The following WDR31 variants were observed in gnomAD, a reference collection of about 807,000 sequenced individuals.
The protein encoded by WDR31 is WD repeat-containing protein 31.
In WDR31, 30 loss-of-function variants were observed where a neutral mutation model predicts 47.3. The observed-to-expected ratio is 0.63, with a 90% CI of 0.47 to 0.86. The LOEUF (loss-of-function observed/expected upper bound fraction) is 0.86, where lower values mean the gene tolerates loss of function less well. Ranked by LOEUF, WDR31 falls within the 40% of genes least tolerant of loss-of-function variation. WDR31 has a pLI of 0.00. For missense variants in WDR31, 406 were observed against 442.9 expected (o/e 0.92, Z 0.75); for synonymous variants, 137 against 159.4 (o/e 0.86, Z 1.06).
intron 4 of WDR31, among the ~76,000 whole-genome samples, chr9:113,330,483 T>C (rs1352923003): frequency 6.6e-6 from 1 of 152,122 alleles, no homozygotes; most frequent in Non-Finnish European, 1.5e-5. Context: ...TAGATCCTAA[T>C]ATGAAGGAGA....
Position 113,318,469 on chromosome 9 carries a change from G to A in WDR31, c.943+6C>T. 6.2e-7 allele frequency: 1 copy of A among 1,614,176 alleles called. No homozygotes were observed. Among genetic ancestry groups the A allele is most frequent in the Non-Finnish European group, 8.5e-7 (1 of 1,180,026 alleles). The stretch of plus-strand genomic sequence containing the variant: ...TTTTGAGGAGAACTAACAGCAGGCT[G>A]CTTACCTCCAGTATCTTGGTTCCAA... On this transcript the variant is annotated splice_donor_region_variant and intron_variant, in intron 10 of 10. Coordinates refer to ENST00000374193, the MANE Select transcript of WDR31 (RefSeq NM_001012361.4).
In WDR31 at chr9:113,320,374, C is replaced by T; in HGVS notation, c.763G>A (p.Glu255Lys). The change falls in exon 9 of 11, where the codon GAA becomes AAA. Residue 255 changes from glutamate (E) to lysine (K), a missense_variant. By Grantham distance (56) the Glu-to-Lys change is moderately conservative (BLOSUM62 1). Coordinates refer to ENST00000374193, the MANE Select transcript of WDR31 (RefSeq NM_001012361.4). ...CISCSNGFGG[E>K]GCEATLWDLR... is the part of the protein sequence containing the mutation. ...TCTCCTACCGTGGCTTCACAGCCTT[C>T]TCCTCCAAAGCCATTGCTGCAGGAG... is the stretch of plus-strand genomic sequence containing the variant. 2.5e-6 allele frequency: 4 copies of T among 1,614,214 alleles called. No individual in the cohort carries two copies. Among genetic ancestry groups the T allele is most frequent in the Non-Finnish European group, 3.4e-6 (4 of 1,180,010 alleles).
chr9:113,327,441 ACGTG>A (rs150756508), intron 5 of WDR31, among the ~76,000 whole-genome samples: 4 of 150,346 alleles, frequency 2.7e-5, no homozygotes, highest in Non-Finnish European at 4.5e-5. Flanking sequence ...ACACACACAC[ACGTG>A]CACACACACA....
chr9:113,318,632 C>T lies in WDR31; in HGVS notation c.786G>A (p.Trp262Ter), dbSNP rs757217965. The change falls in exon 10 of 11, where the codon TGG (tryptophan) becomes TGA (stop). Residue 262 changes from tryptophan to a stop codon, truncating the protein, a stop_gained. Coordinates refer to ENST00000374193, the MANE Select transcript of WDR31 (RefSeq NM_001012361.4). LOFTEE classifies it high-confidence loss of function. ...TTCTGTTTCGAGTCTGTCTTAGGTC[C>T]CACAACTGCAAAGTAATGACATGGA... ...FGGEGCEATL[W>*]DLRQTRNRIC... The T allele has an allele frequency of 2.7e-5, 44 of 1,613,888 alleles. No individual in the cohort carries two copies. The highest frequency in any genetic ancestry group is 3.6e-5 in the Non-Finnish European group (42 of 1,179,940).
At chr9:113,326,411 C>T (rs1833470570) in intron 5 of WDR31, among the ~76,000 whole-genome samples, 1 of 150,644 alleles carries the variant, frequency 6.6e-6, no homozygotes, top group Admixed American at 6.6e-5. Context: ...TTCTTTCCGT[C>T]CTTCTTTCTT....
At chr9:113,336,585 A>C (rs1268424220) in intron 1 of WDR31, 145 bp from the exon 2 acceptor site, 1 of 152,228 alleles carries the variant, frequency 6.6e-6, no homozygotes, top group Non-Finnish European at 1.5e-5. Flanking sequence ...AGTATACTAT[A>C]GTGTTAATTA....
At chr9:113,337,436 G>A (rs953765160) in intron 1 of WDR31, among the ~76,000 whole-genome samples, 5 of 150,244 alleles carry the variant, frequency 3.3e-5, no homozygotes, top group South Asian at 4.2e-4. Flanking sequence ...CATGACATTC[G>A]AAGGAAATAT....
At chr9:113,338,940 CCAACAA>C (rs1470214364) in intron 1 of WDR31, among the ~76,000 whole-genome samples, 1 of 152,002 alleles carries the variant, frequency 6.6e-6, no homozygotes, top group African/African-American at 2.4e-5. Context: ...TTTTAGGGAC[CCAACAA>C]CATAAGCGCC....
intron 5 of WDR31, among the ~76,000 whole-genome samples, chr9:113,325,404 T>C (rs971005629): frequency 3.9e-5 from 6 of 152,304 alleles, no homozygotes; most frequent in Non-Finnish European, 8.8e-5. Flanking sequence ...CTGTTGGTTT[T>C]TGAAAAACAC....
At chr9:113,327,552 A>G (rs1223481308) in intron 5 of WDR31, among the ~76,000 whole-genome samples, 1 of 152,164 alleles carries the variant, frequency 6.6e-6, no homozygotes, top group African/African-American at 2.4e-5. Flanking sequence ...CATGCTGAAT[A>G]TTGATGGTTG....
intron 1 of WDR31, among the ~76,000 whole-genome samples, chr9:113,337,613 G>C (rs1163650092): frequency 2.0e-5 from 3 of 151,960 alleles, no homozygotes; most frequent in Non-Finnish European, 4.4e-5. Context: ...TTACAGGTGT[G>C]TGCCTCCATG....
At chr9:113,325,614 A>AT (rs34317551) in intron 5 of WDR31, among the ~76,000 whole-genome samples, 9 of 150,124 alleles carry the variant, frequency 6.0e-5, no homozygotes, top group South Asian at 2.1e-4. Context: ...TGTAAGGAAA[A>AT]TTTTTTTTTT....
intron 5 of WDR31, among the ~76,000 whole-genome samples, chr9:113,325,487 A>G (rs988006901): frequency 2.2e-4 from 33 of 151,746 alleles, no homozygotes; most frequent in Admixed American, 6.6e-4. Flanking sequence ...TTCCCTTTAT[A>G]TTTTTAATTT....
chr9:113,325,873 T>C (rs1313194267), intron 5 of WDR31, among the ~76,000 whole-genome samples: 2 of 152,056 alleles, frequency 1.3e-5, no homozygotes, highest in African/African-American at 4.8e-5. Flanking sequence ...TTAATATTCA[T>C]TGGCTTTATT....
At chr9:113,321,647 G>A (rs1791964034) in intron 7 of WDR31, 69 bp from the exon 8 acceptor site, 2 of 1,424,810 alleles carry the variant, frequency 1.4e-6, no homozygotes, top group Non-Finnish European at 2.0e-6. Flanking sequence ...CCTGTCAAAT[G>A]TGCTAACTAG....
chr9:113,329,531 T>C lies in WDR31; in HGVS notation c.250-576A>G, dbSNP rs558179119. 2.0e-5 allele frequency among the ~76,000 whole-genome samples: 3 copies of C among 151,082 alleles called. No individual in the cohort carries two copies. In the East Asian group the frequency reaches 5.9e-4, roughly 30 times the overall value. On this transcript the variant is annotated intron_variant, in intron 4 of 10. Transcript: ENST00000374193. ...GGCACATGCCTGTAATCCCAGCTAC[T>C]AAGGAGGCTGAGACAGGAGAATTGC...
At position 113,318,566 on chromosome 9, in the gene WDR31, G is replaced by A. The variant is rs746951371; in HGVS notation, c.852C>T (p.Cys284=). The change falls in exon 10 of 11, where the codon TGC becomes TGT. Residue 284 remains cysteine, a synonymous_variant. Coordinates refer to ENST00000374193, the MANE Select transcript of WDR31 (RefSeq NM_001012361.4). The part of the protein sequence containing the change: ...YKGHFQTVAS[C]VFLPRALALM... Reference sequence around the variant, plus strand: ...AGGCCAATGCTCTTGGTAGAAAGACGCAGGATGCGACAGTCTGGAAATGCC... The same window carrying A: ...AGGCCAATGCTCTTGGTAGAAAGACACAGGATGCGACAGTCTGGAAATGCC... 1.2e-5 allele frequency: 19 copies of A among 1,614,072 alleles called. No individual in the cohort carries two copies. Among genetic ancestry groups the A allele is most frequent in the South Asian group, 5.5e-5 (5 of 91,082 alleles).
rs755799960 is a variant in WDR31, at chr9:113,330,997, C to G, written c.236G>C (p.Gly79Ala). Residue 79 changes from glycine to alanine, a missense_variant, in exon 4 of 11, where the codon GGA becomes GCA. Transcript: ENST00000374193. The part of the protein sequence containing the change: ...AALNSDLCVS[G>A]GKDKTVVAYN... ...TGCAAACCCCACCTTATCTTTCCCT[C>G]CAGAGACACAAAGGTCTGAGTTCAA... is the stretch of plus-strand genomic sequence containing the variant. 2 of 1,608,370 alleles carry G rather than the reference C, an allele frequency of 1.2e-6. No individual in the cohort carries two copies. The highest frequency in any genetic ancestry group is 1.7e-6 in the Non-Finnish European group (2 of 1,175,688).
intron 1 of WDR31, among the ~76,000 whole-genome samples, chr9:113,336,974 A>G (rs1420485640): frequency 6.6e-6 from 1 of 152,252 alleles, no homozygotes; most frequent in African/African-American, 2.4e-5. Flanking sequence ...TTTCCATTAT[A>G]AATGTCTACA....
Sources: allele counts gnomAD v4.1 joint callset (sites outside exome capture counted in the v4.1 genomes callset), GRCh38; gene constraint gnomAD v4.1.1; transcripts MANE v1.5; gene names NCBI Gene and HGNC (gene_info 2026-07-23, HGNC 2026-07-21).